SYN2: variants seen among roughly 807,000 people sequenced by gnomAD.
SYN2 encodes the protein synapsin-2.
In SYN2, 19 loss-of-function variants were observed where a neutral mutation model predicts 50.9. The observed-to-expected ratio is 0.37, with a 90% CI of 0.26 to 0.55. The LOEUF (loss-of-function observed/expected upper bound fraction) is 0.55, where lower values mean the gene tolerates loss of function less well. SYN2 is among the 20% of genes least tolerant of loss of function. The probability of loss-of-function intolerance (pLI) is 0.81; values close to 1 mark genes in which losing one functional copy is unlikely to be tolerated. For missense variants in SYN2, 587 were observed against 576.4 expected, an observed-to-expected ratio of 1.02 and a Z score of -0.19; for synonymous variants, 255 against 224.9, an observed-to-expected ratio of 1.13 and a Z score of -1.20.
intron 1 of SYN2, among the ~76,000 whole-genome samples, chr3:12,087,808 G>A (rs9819041): frequency 0.082 from 12,451 of 151,940 alleles, 903 homozygotes; most frequent in East Asian, 0.19. Context: ...TTCAACAAAG[G>A]TGCTAAGAAC....
intron 1 of SYN2, among the ~76,000 whole-genome samples, chr3:12,020,859 A>G (rs1464083044): frequency 6.6e-6 from 1 of 152,230 alleles, no homozygotes; most frequent in Non-Finnish European, 1.5e-5. Flanking sequence ...GAGACAAGCT[A>G]TTAAACAAGC....
chr3:12,157,702 C>T (rs755017255), intron 5 of SYN2, among the ~76,000 whole-genome samples: 8 of 152,162 alleles, frequency 5.3e-5, no homozygotes, highest in Non-Finnish European at 1.0e-4. Flanking sequence ...GTCCTATAAC[C>T]GCTAAGCTGT....
At chr3:12,154,468 A>G (rs1697397984) in intron 5 of SYN2, 1 of 1,613,666 alleles carries the variant, frequency 6.2e-7, no homozygotes, top group East Asian at 2.2e-5. Flanking sequence ...GGGGAGATGG[A>G]GGAGAGTCAA....
At chr3:12,183,739 G>A (rs764762282) in intron 11 of SYN2, 2 of 1,177,578 alleles carry the variant, frequency 1.7e-6, no homozygotes, top group Non-Finnish European at 2.1e-6. Flanking sequence ...TATCTTCTGG[G>A]TGGTTTGATA....
chr3:12,153,924 C>T (rs969692855), intron 5 of SYN2, among the ~76,000 whole-genome samples: 3 of 152,232 alleles, frequency 2.0e-5, no homozygotes, highest in Non-Finnish European at 4.4e-5. Context: ...AGTCAGACAG[C>T]TCTGAGGGTC....
chr3:12,154,531 A>C, intron 5 of SYN2: 1 of 1,536,704 alleles, frequency 6.5e-7, no homozygotes. Flanking sequence ...TGAAAAGCCC[A>C]GAATTGCAGC....
In SYN2 at chr3:12,187,434, C is replaced by A. The variant is rs536233797; in HGVS notation, c.1435C>A (p.Pro479Thr). ...GKVLPPRRLP[P>T]GPSLPPSSSS... ...GGTGCTGCCTCCACGCCGGCTCCCC[C>A]CTGGACCATCACTGCCACCTTCCTC... Residue 479 changes from proline (P) to threonine (T), a missense_variant, in exon 12 of 13, where the codon CCT becomes ACT. By Grantham distance (38) the Pro-to-Thr change is conservative. Coordinates refer to ENST00000621198, the MANE Select transcript of SYN2 (RefSeq NM_133625.6). 110 of 1,552,898 alleles carry A rather than the reference C, an allele frequency of 7.1e-5. No homozygotes were observed. The South Asian group carries it at 9.0e-4, about 13-fold the overall frequency.
Position 12,131,622 on chromosome 3 carries a change from C to T in SYN2, c.378-9029C>T, listed in dbSNP as rs149545124. 3.2e-3 allele frequency among the ~76,000 whole-genome samples: 489 copies of T among 151,704 alleles called. 2 individuals are homozygous for T. Among genetic ancestry groups the T allele is most frequent in the Non-Finnish European group, 4.3e-3 (295 of 67,990 alleles). On this transcript the variant is annotated intron_variant, in intron 1 of 12. Transcript: ENST00000621198. ...TACAGACAAATGCATCTAATCTTCC[C>T]GTCATGTGTTCTCCTGAGTTACAGG...
chr3:12,147,956 C>CA (rs5846751), intron 4 of SYN2, among the ~76,000 whole-genome samples: 19,444 of 151,470 alleles, frequency 0.13, 1,272 homozygotes, highest in African/African-American at 0.15. Flanking sequence ...ACTAAAAATA[C>CA]AAAAAAAATT....
Position 12,183,314 on chromosome 3 carries a change from C to G in SYN2, c.1311C>G (p.Ser437Arg). The G allele has an allele frequency of 1.9e-6, 3 of 1,607,678 alleles. No individual in the cohort carries two copies. The highest frequency in any genetic ancestry group is 2.5e-6 in the Non-Finnish European group (3 of 1,178,274). ...TCTCTTACATTTTTGTCTTCCAGAGCGGAACACTTAAGGATCCGGACTCAA... is the reference window on the plus strand; with the variant it reads ...TCTCTTACATTTTTGTCTTCCAGAGGGGAACACTTAAGGATCCGGACTCAA... ...QRPLTTQQPQ[S>R]GTLKDPDSSK... Residue 437 changes from serine (S) to arginine (R), a missense_variant and splice_region_variant, in exon 11 of 13, where the codon AGC (serine) becomes AGG (arginine). Transcript: ENST00000621198.
chr3:12,058,231 A>G (rs1035781008), intron 1 of SYN2, among the ~76,000 whole-genome samples: 8 of 152,196 alleles, frequency 5.3e-5, no homozygotes, highest in Admixed American at 2.0e-4. Flanking sequence ...ACAGTTTAGC[A>G]TAAATATGTT....
rs1229114074 is a variant in SYN2 at position 12,043,097 on chromosome 3, A to G, written c.377+38169A>G. ...GAGTGCGATGGGGTGATCACAGCTC[A>G]TTGCAGCCTTAAATTCCTGGACTCA... On this transcript the variant is annotated intron_variant, in intron 1 of 12. Coordinates refer to ENST00000621198, the MANE Select transcript of SYN2 (RefSeq NM_133625.6). Among the ~76,000 whole-genome samples, 5 of 149,648 alleles carry G rather than the reference A, an allele frequency of 3.3e-5. No homozygotes were observed. In the Admixed American group the frequency reaches 3.3e-4, roughly 10 times the overall value.
intron 1 of SYN2, among the ~76,000 whole-genome samples, chr3:12,074,479 T>C (rs1459932995): frequency 1.3e-5 from 2 of 152,190 alleles, no homozygotes; most frequent in Admixed American, 6.5e-5. Context: ...TTGTATTATG[T>C]TAGTGAATAC....
intron 1 of SYN2, among the ~76,000 whole-genome samples, chr3:12,062,652 A>T (rs1393518844): frequency 2.6e-5 from 4 of 152,028 alleles, no homozygotes; most frequent in Non-Finnish European, 5.9e-5. Context: ...CTAAGACTCA[A>T]TAAGAAGCGT....
intron 1 of SYN2, among the ~76,000 whole-genome samples, chr3:12,126,823 G>A (rs1221166906): frequency 1.3e-5 from 2 of 152,176 alleles, no homozygotes; most frequent in Non-Finnish European, 2.9e-5. Flanking sequence ...GATATTAGTT[G>A]ATATTAATTT....
intron 1 of SYN2, among the ~76,000 whole-genome samples, chr3:12,037,428 A>G (rs1241703449): frequency 6.6e-6 from 1 of 152,242 alleles, no homozygotes; most frequent in Admixed American, 6.5e-5. Context: ...CACAGACTGG[A>G]TAATAGATAC....
At chr3:12,156,905 AT>A in intron 5 of SYN2, 1 of 1,614,128 alleles carries the variant, frequency 6.2e-7, no homozygotes, top group South Asian at 1.1e-5. Flanking sequence ...TATACTGAAC[AT>A]CCTTGACTTT....
chr3:12,102,500 A>G (rs564349852), intron 1 of SYN2, among the ~76,000 whole-genome samples: 1 of 152,312 alleles, frequency 6.6e-6, no homozygotes, highest in African/African-American at 2.4e-5. Flanking sequence ...CCATTAAAAC[A>G]TGGAATAAAA....
intron 4 of SYN2, 37 bp downstream of exon 4, chr3:12,145,872 G>A (rs748099369): frequency 3.1e-6 from 5 of 1,610,194 alleles, no homozygotes; most frequent in Non-Finnish European, 4.2e-6. Flanking sequence ...AAAAGGGTAG[G>A]ATTCAGGCCC....
Sources: gnomAD v4.1 joint callset for allele counts (sites outside exome capture counted in the v4.1 genomes callset) on GRCh38, gnomAD v4.1.1 for gene constraint, MANE v1.5 for transcripts, NCBI Gene and HGNC (gene_info 2026-07-23, HGNC 2026-07-21) for gene names.